Variants in LMX1A observed in about 807,000 individuals in gnomAD.
LMX1A encodes LIM homeobox transcription factor 1-alpha.
LMX1A carries 15 observed loss-of-function variants against 49.1 expected under a neutral mutation model. The ratio of observed to expected loss-of-function variants is 0.31; its 90% confidence interval spans 0.20 to 0.47. The LOEUF (loss-of-function observed/expected upper bound fraction) is 0.47, where lower values mean the gene tolerates loss of function less well. LMX1A is among the 20% of genes least tolerant of loss of function. The pLI is 1.00. For synonymous variants in LMX1A, 167 were observed against 185.7 expected, an observed-to-expected ratio of 0.90 and a Z score of 0.82; for missense variants, 372 against 475.8, an observed-to-expected ratio of 0.78 and a Z score of 2.03.
chr1:165,338,341 A>C (rs1407306147), intron 3 of LMX1A, among the ~76,000 whole-genome samples: 2 of 152,186 alleles, frequency 1.3e-5, no homozygotes, highest in African/African-American at 4.8e-5. Flanking sequence ...TGACCTCTGC[A>C]ATACTGCACA....
chr1:165,254,657 A>G (rs116592133), intron 3 of LMX1A, among the ~76,000 whole-genome samples: 1,631 of 152,294 alleles, frequency 0.011, 31 homozygotes, highest in African/African-American at 0.038. Context: ...AAGCAGAGAA[A>G]AGGGTTTGTT....
intron 3 of LMX1A, among the ~76,000 whole-genome samples, chr1:165,339,181 G>A (rs1360437088): frequency 6.6e-6 from 1 of 152,202 alleles, no homozygotes; most frequent in African/African-American, 2.4e-5. Context: ...TCCAGTCTGG[G>A]GAAGTAAACA....
intron 3 of LMX1A, among the ~76,000 whole-genome samples, chr1:165,345,199 T>C (rs1207913202): frequency 1.3e-5 from 2 of 152,178 alleles, no homozygotes; most frequent in Non-Finnish European, 2.9e-5. Flanking sequence ...GAAAAGTCCT[T>C]TTAAAGATTC....
intron 3 of LMX1A, among the ~76,000 whole-genome samples, chr1:165,275,372 G>A (rs1653933900): frequency 6.6e-6 from 1 of 152,206 alleles, no homozygotes; most frequent in South Asian, 2.1e-4. Flanking sequence ...GCAGCAGTCT[G>A]GGCTTTGTTG....
chr1:165,219,336 T>G (rs191890199), intron 4 of LMX1A, among the ~76,000 whole-genome samples: 1 of 152,044 alleles, frequency 6.6e-6, no homozygotes, highest in East Asian at 1.9e-4. Context: ...ACCTTCATGC[T>G]AGGGCAGGGA....
chr1:165,321,896 C>G (rs1411927525), intron 3 of LMX1A, among the ~76,000 whole-genome samples: 1 of 151,934 alleles, frequency 6.6e-6, no homozygotes, highest in Non-Finnish European at 1.5e-5. Flanking sequence ...ATAAAGAGTG[C>G]AACCTGCAGA....
intron 4 of LMX1A, among the ~76,000 whole-genome samples, chr1:165,222,637 A>C (rs1651890019): frequency 6.6e-6 from 1 of 152,238 alleles, no homozygotes; most frequent in Non-Finnish European, 1.5e-5. Context: ...AAATGTTCTC[A>C]TTGCAAAAGT....
chr1:165,302,127 C>T (rs1342770461), intron 3 of LMX1A, among the ~76,000 whole-genome samples: 3 of 151,878 alleles, frequency 2.0e-5, no homozygotes, highest in Non-Finnish European at 4.4e-5. Flanking sequence ...TGCTTTCCCT[C>T]CCTCTGTACT....
intron 4 of LMX1A, among the ~76,000 whole-genome samples, chr1:165,246,999 T>G (rs10494439): frequency 0.072 from 10,779 of 150,124 alleles, 518 homozygotes; most frequent in Middle Eastern, 0.13. Flanking sequence ...TCCCTGGTAC[T>G]GAGCATTATA....
At chr1:165,273,821 C>T (rs932921158) in intron 3 of LMX1A, among the ~76,000 whole-genome samples, 2 of 152,110 alleles carry the variant, frequency 1.3e-5, no homozygotes, top group East Asian at 3.9e-4. Context: ...GATGACGGTG[C>T]AAGAGGACAT....
intron 3 of LMX1A, among the ~76,000 whole-genome samples, chr1:165,346,192 A>G (rs1656239998): frequency 6.6e-6 from 1 of 152,208 alleles, no homozygotes; most frequent in Admixed American, 6.5e-5. Flanking sequence ...AGGCAGATCT[A>G]TCTATCACTC....
chr1:165,314,311 A>G (rs1173611363), intron 3 of LMX1A, among the ~76,000 whole-genome samples: 3 of 152,218 alleles, frequency 2.0e-5, no homozygotes, highest in African/African-American at 7.2e-5. Context: ...ACCAGCCTCT[A>G]TGAATGCAGC....
chr1:165,240,478 T>C (rs1198121321), intron 4 of LMX1A, among the ~76,000 whole-genome samples: 1 of 152,200 alleles, frequency 6.6e-6, no homozygotes, highest in Admixed American at 6.5e-5. Flanking sequence ...CTTTGAGATG[T>C]TTTTCTCAAT....
In LMX1A at chr1:165,338,353, C is replaced by A. The variant is rs181790693; in HGVS notation, c.263+14723G>T. On this transcript the variant is annotated intron_variant, in intron 3 of 8. Coordinates refer to ENST00000342310, the MANE Select transcript of LMX1A (RefSeq NM_177398.4). ...GTTTGACCTCTGCAATACTGCACACCATTAAATTTTTAAGGGAGTTCATTG... is the reference window on the plus strand; with the variant it reads ...GTTTGACCTCTGCAATACTGCACACAATTAAATTTTTAAGGGAGTTCATTG... Among the ~76,000 whole-genome samples, 593 of 152,260 alleles carry A rather than the reference C, an allele frequency of 3.9e-3. 6 individuals carry two copies. Among genetic ancestry groups the A allele is most frequent in the Non-Finnish European group, 6.1e-3 (413 of 68,014 alleles).
chr1:165,222,143 C>T (rs987950480), intron 4 of LMX1A, among the ~76,000 whole-genome samples: 2 of 152,122 alleles, frequency 1.3e-5, no homozygotes, highest in East Asian at 1.9e-4. Flanking sequence ...AAGATTCCTC[C>T]CCACCAACAT....
intron 3 of LMX1A, among the ~76,000 whole-genome samples, chr1:165,345,698 CAACT>C (rs1289192797): frequency 6.6e-6 from 1 of 152,210 alleles, no homozygotes; most frequent in African/African-American, 2.4e-5. Context: ...GAGCCCCACC[CAACT>C]GAGTGGTCAC....
At chr1:165,353,324 G>T in intron 2 of LMX1A, 62 bp from the exon 3 acceptor site, 1 of 1,385,236 alleles carries the variant, frequency 7.2e-7, no homozygotes. Flanking sequence ...GCCAAACCTG[G>T]CCGGGACCCG....
At chr1:165,307,002 G>GGCT (rs1353620835) in intron 3 of LMX1A, among the ~76,000 whole-genome samples, 3 of 152,238 alleles carry the variant, frequency 2.0e-5, no homozygotes, top group Non-Finnish European at 2.9e-5. Flanking sequence ...AGAAGCCAGA[G>GGCT]GCTGCGTCTG....
chr1:165,221,552 G>T (rs1193105449), intron 4 of LMX1A, among the ~76,000 whole-genome samples: 1 of 152,120 alleles, frequency 6.6e-6, no homozygotes, highest in African/African-American at 2.4e-5. Context: ...TCCCAAGAAA[G>T]ACACCTTTGT....
Sources: allele counts gnomAD v4.1 joint callset (sites outside exome capture counted in the v4.1 genomes callset), GRCh38; gene constraint gnomAD v4.1.1; transcripts MANE v1.5; gene names NCBI Gene and HGNC (gene_info 2026-07-23, HGNC 2026-07-21).